The following HMOX2 variants were observed in gnomAD, a reference collection of about 807,000 sequenced individuals.
HMOX2 encodes heme oxygenase (decycling) 2.
A neutral mutation model predicts 33.7 loss-of-function variants in HMOX2; 30 were observed. The observed-to-expected ratio is 0.89, with a 90% CI of 0.67 to 1.21. The LOEUF (loss-of-function observed/expected upper bound fraction) is 1.21. HMOX2 is among the 50% of genes most tolerant of loss of function. The pLI is 0.00. For missense variants in HMOX2, 403 were observed against 399.1 expected (o/e 1.01, Z -0.08); for synonymous variants, 155 against 155.0 (o/e 1.00, Z 0.00).
At chr16:4,505,283 C>T (rs1459169298) in intron 1 of HMOX2, among the ~76,000 whole-genome samples, 1 of 152,178 alleles carries the variant, frequency 6.6e-6, no homozygotes, top group African/African-American at 2.4e-5. Flanking sequence ...AATGCTATTA[C>T]CTAATACATT....
chr16:4,507,682 C>CA, intron 3 of HMOX2, 31 bp from the exon 4 acceptor site: 1 of 1,601,890 alleles, frequency 6.2e-7, no homozygotes, highest in Non-Finnish European at 8.5e-7. Flanking sequence ...TGTGCTCAGG[C>CA]ATAGCTGGCC....
Position 4,509,883 on chromosome 16 carries a change from AATAAAAGCCAG to A in HMOX2, c.*130_*140del. Reference sequence around the variant, plus strand: ...AATGCTGGGTTTAAGAAAGGCAACCAATAAAAGCCAGATGCTAGAGCCTCTGCCTGACAGCA... The same window carrying A: ...AATGCTGGGTTTAAGAAAGGCAACCAATGCTAGAGCCTCTGCCTGACAGCA... On this transcript the variant is annotated 3_prime_UTR_variant, in exon 6 of 6. Transcript: ENST00000570646. 1 of 1,054,542 alleles carries A rather than the reference AATAAAAGCCAG, an allele frequency of 9.5e-7. No individual in the cohort carries two copies. Among genetic ancestry groups the A allele is most frequent in the South Asian group, 1.6e-5 (1 of 62,642 alleles). 65.3% of individuals were successfully genotyped at this position (1,054,542 alleles called of 1,614,324 possible). A position where few individuals can be genotyped will look rare whatever the true frequency, so the allele number is the denominator to read the frequency against.
At chr16:4,490,702 G>GT (rs932983747) in intron 1 of HMOX2, among the ~76,000 whole-genome samples, 23 of 152,186 alleles carry the variant, frequency 1.5e-4, no homozygotes, top group Non-Finnish European at 2.8e-4. Flanking sequence ...AGCTTCTTCT[G>GT]TTTTTTTGGT....
chr16:4,482,841 A>G (rs1452205296), intron 1 of HMOX2, among the ~76,000 whole-genome samples: 1 of 152,160 alleles, frequency 6.6e-6, no homozygotes, highest in Non-Finnish European at 1.5e-5. Context: ...CAGCCTGACC[A>G]ATGTGGTGAA....
At chr16:4,491,789 A>G (rs953269371) in intron 1 of HMOX2, among the ~76,000 whole-genome samples, 14 of 151,442 alleles carry the variant, frequency 9.2e-5, no homozygotes, top group Admixed American at 9.2e-4. Context: ...GCTCACTGCA[A>G]CCTCCACCTC....
intron 2 of HMOX2, among the ~76,000 whole-genome samples, chr16:4,506,132 G>A (rs1254359304): frequency 1.3e-5 from 2 of 152,092 alleles, no homozygotes; most frequent in South Asian, 2.1e-4. Context: ...GCACATGGAT[G>A]ATAACGAGCT....
intron 1 of HMOX2, chr16:4,496,523 C>T (rs1023469304): frequency 3.9e-5 from 6 of 152,226 alleles, no homozygotes; most frequent in African/African-American, 1.4e-4. Context: ...CTCTGTAGCC[C>T]ATAACTTCAG....
intron 4 of HMOX2, among the ~76,000 whole-genome samples, chr16:4,508,939 C>A (rs891434139): frequency 1.8e-4 from 28 of 152,176 alleles, no homozygotes; most frequent in Admixed American, 1.7e-3. Context: ...AGAGCTCTTG[C>A]TAGGGAGGGA....
At chr16:4,507,441 T>C (rs2141609313) in intron 3 of HMOX2, among the ~76,000 whole-genome samples, 1 of 150,846 alleles carries the variant, frequency 6.6e-6, no homozygotes, top group Admixed American at 6.6e-5. Flanking sequence ...CGAGACTCTT[T>C]ACCCCGCCAA....
At chr16:4,482,469 G>C (rs537908423) in intron 1 of HMOX2, among the ~76,000 whole-genome samples, 1 of 152,018 alleles carries the variant, frequency 6.6e-6, no homozygotes, top group African/African-American at 2.4e-5. Context: ...ACACCGGTGC[G>C]GTGTCCTCTA....
rs745794435 is a variant in HMOX2, at chr16:4,506,943, C to T, written c.135C>T (p.His45=). ...ELLKEGTKEA[H]DRAENTQFVK... ...TGAAGGAAGGGACCAAGGAAGCACA[C>T]GACCGGGCAGAAAACACCCAGTTTG... is the stretch of plus-strand genomic sequence containing the variant. Residue 45 remains histidine (H), a synonymous_variant, in exon 3 of 6, where the codon CAC becomes CAT. Coordinates refer to ENST00000570646, the MANE Select transcript of HMOX2 (RefSeq NM_002134.4). 3.0e-5 allele frequency: 48 copies of T among 1,613,918 alleles called. No individual in the cohort carries two copies. The highest frequency in any genetic ancestry group is 7.7e-5 in the South Asian group (7 of 91,076).
intron 1 of HMOX2, among the ~76,000 whole-genome samples, chr16:4,504,682 CTTTT>C (rs56922429): frequency 3.0e-5 from 2 of 65,840 alleles, no homozygotes; most frequent in Non-Finnish European, 5.5e-5. Context: ...TTGATACGGT[CTTTT>C]TTTTTTTTTT....
chr16:4,498,726 C>T (rs2058484229), intron 1 of HMOX2, among the ~76,000 whole-genome samples: 1 of 152,162 alleles, frequency 6.6e-6, no homozygotes, highest in Admixed American at 6.5e-5. Context: ...GTTCAGTGAA[C>T]CGTGGGATTG....
At chr16:4,495,079 T>C (rs1304269724) in intron 1 of HMOX2, among the ~76,000 whole-genome samples, 4 of 152,194 alleles carry the variant, frequency 2.6e-5, no homozygotes, top group Non-Finnish European at 5.9e-5. Flanking sequence ...TAATTGCTAG[T>C]AATTTCACAT....
At chr16:4,477,088 G>C (rs2057873929) in intron 1 of HMOX2, among the ~76,000 whole-genome samples, 1 of 152,150 alleles carries the variant, frequency 6.6e-6, no homozygotes, top group Non-Finnish European at 1.5e-5. Context: ...GGTTAGTCCG[G>C]ACGCGGGTTT....
At chr16:4,486,633 A>G (rs8047271) in intron 1 of HMOX2, among the ~76,000 whole-genome samples, 18,650 of 152,084 alleles carry the variant, frequency 0.12, 2,482 homozygotes, top group African/African-American at 0.33. Context: ...CTGCCAGAAA[A>G]CTCTGGGCAG....
intron 1 of HMOX2, among the ~76,000 whole-genome samples, chr16:4,484,541 A>G (rs1407123455): frequency 2.7e-5 from 4 of 147,774 alleles, no homozygotes; most frequent in Admixed American, 6.8e-5. Context: ...GCTCACTGCA[A>G]TCTCCACCTC....
intron 1 of HMOX2, among the ~76,000 whole-genome samples, chr16:4,486,410 A>T (rs2058169287): frequency 3.9e-5 from 6 of 152,222 alleles, no homozygotes; most frequent in Admixed American, 3.9e-4. Flanking sequence ...AGTGTGGGTG[A>T]GGCAGAAGTG....
intron 1 of HMOX2, chr16:4,481,783 A>G (rs2058038734): frequency 6.6e-6 from 1 of 152,254 alleles, no homozygotes; most frequent in African/African-American, 2.4e-5. Context: ...TGTAGCCATC[A>G]TCTTCAGTAG....
Sources: allele counts gnomAD v4.1 joint callset (sites outside exome capture counted in the v4.1 genomes callset), GRCh38; gene constraint gnomAD v4.1.1; transcripts MANE v1.5; gene names NCBI Gene and HGNC (gene_info 2026-07-23, HGNC 2026-07-21).